Variants in FAT1 observed in about 807,000 individuals in gnomAD.
The protein encoded by FAT1 is protocadherin Fat 1.
A neutral mutation model predicts 329.8 loss-of-function variants in FAT1; 171 were observed. That is an observed-to-expected ratio of 0.52 (90% CI 0.46 to 0.59). FAT1 has a LOEUF of 0.59. Ranked by LOEUF, FAT1 falls within the 20% of genes least tolerant of loss-of-function variation. The pLI, the probability that FAT1 is intolerant of heterozygous loss-of-function variation, is 0.00. For synonymous variants in FAT1, 2,233 were observed against 2,228.6 expected (o/e 1.00, Z -0.06); for missense variants, 5,672 against 5,774.4 (o/e 0.98, Z 0.57).
At chr4:186,613,368 C>T (rs2126476680) in intron 12 of FAT1, 26 bp from the exon 13 acceptor site, 1 of 1,557,520 alleles carries the variant, frequency 6.4e-7, no homozygotes, top group Non-Finnish European at 8.9e-7. Flanking sequence ...AATGGACTCA[C>T]TTGTAATTTA....
At chr4:186,604,020 G>A in intron 18 of FAT1, 43 bp from the exon 19 acceptor site, 3 of 1,422,032 alleles carry the variant, frequency 2.1e-6, no homozygotes, top group African/African-American at 1.4e-5. Flanking sequence ...CTATGGCACT[G>A]TTTATAACTT....
Position 186,616,289 on chromosome 4 carries a change from C to A in FAT1, c.9075+716G>T, listed in dbSNP as rs1739706341. On this transcript the variant is annotated intron_variant, in intron 11 of 26. Transcript: ENST00000441802. ...AAATCCCTTGGAACGACCGCCACTG[C>A]CCACTGTAATCCAGTTCACCCTTTT... Among the ~76,000 whole-genome samples the A allele has an allele frequency of 2.0e-5, 3 of 152,188 alleles. No homozygotes were observed. In the South Asian group the frequency reaches 6.2e-4, roughly 32 times the overall value.
intron 1 of FAT1, among the ~76,000 whole-genome samples, chr4:186,716,239 G>C (rs1745198238): frequency 6.6e-6 from 1 of 152,092 alleles, no homozygotes; most frequent in South Asian, 2.1e-4. Context: ...CATTTCACAT[G>C]TTATGATAAA....
chr4:186,616,321 C>T (rs1739708217), intron 11 of FAT1, among the ~76,000 whole-genome samples: 2 of 152,268 alleles, frequency 1.3e-5, no homozygotes, highest in South Asian at 4.1e-4. Flanking sequence ...TTTTCCAAGA[C>T]TCTCAGTGCA....
At position 186,620,930 on chromosome 4, in the gene FAT1, C is replaced by T. The variant is rs1740011927; in HGVS notation, c.5656G>A (p.Ala1886Thr). The T allele has an allele frequency of 6.2e-7, 1 of 1,613,988 alleles. No individual in the cohort carries two copies. Reference sequence around the variant, plus strand: ...TTGTATGTTGGTAACAAAAGAGATGCTTCATATAATGGCTTGGCAAACACA... The same window carrying T: ...TTGTATGTTGGTAACAAAAGAGATGTTTCATATAATGGCTTGGCAAACACA... ...PPVFAKPLYE[A>T]SLLLPTYKGV... is the part of the protein sequence containing the mutation. The change falls in exon 10 of 27, where the codon GCA (alanine) becomes ACA (threonine). Residue 1886 changes from alanine (A) to threonine (T), a missense_variant. By Grantham distance (58) the Ala-to-Thr change is moderately conservative. This residue lies in a region of FAT1 where 3,966 missense variants were observed against 3,915.2 expected (regional missense o/e 1.01). Coordinates refer to ENST00000441802, the MANE Select transcript of FAT1 (RefSeq NM_005245.4).
intron 26 of FAT1, among the ~76,000 whole-genome samples, chr4:186,594,489 A>G (rs1348712074): frequency 6.6e-6 from 1 of 151,628 alleles, no homozygotes; most frequent in East Asian, 1.9e-4. Flanking sequence ...CATAAACTGG[A>G]AACAGGAACT....
At chr4:186,702,403 C>A (rs961223918) in intron 2 of FAT1, among the ~76,000 whole-genome samples, 1 of 152,132 alleles carries the variant, frequency 6.6e-6, no homozygotes, top group Non-Finnish European at 1.5e-5. Flanking sequence ...TAAGTAGAGT[C>A]AGAAGGGGAA....
Position 186,589,185 on chromosome 4 carries a change from C to A in FAT1, c.13174G>T (p.Val4392Phe), listed in dbSNP as rs192910004. 6.2e-7 allele frequency: 1 copy of A among 1,613,270 alleles called. No homozygotes were observed. Among genetic ancestry groups the A allele is most frequent in the Non-Finnish European group, 8.5e-7 (1 of 1,179,632 alleles). ...HWDTSDWMPSVPLPDIQEFPN... is the reference protein window; with the variant it reads ...HWDTSDWMPSFPLPDIQEFPN... ...AACTCTTGTATGTCCGGCAGAGGAA[C>A]GCTTGGCATCCAATCTGATGTATCC... The change falls in exon 27 of 27, where the codon GTT becomes TTT. Residue 4392 changes from valine (V) to phenylalanine (F), a missense_variant. By Grantham distance (50) the Val-to-Phe change is conservative. Coordinates refer to ENST00000441802, the MANE Select transcript of FAT1 (RefSeq NM_005245.4).
Position 186,600,244 on chromosome 4 carries a change from A to G in FAT1, c.11757T>C (p.Asn3919=), listed in dbSNP as rs762207251. The part of the protein sequence containing the change: ...GQWHAVALEV[N]GNYARLVLDQ... ...CTAGAACCAAGCGAGCATAGTTTCC[A>G]TTCACTTCCAGGGCCACTGCGTGCC... Residue 3919 remains asparagine (N), a synonymous_variant, in exon 22 of 27, where the codon AAT becomes AAC. Coordinates refer to ENST00000441802, the MANE Select transcript of FAT1 (RefSeq NM_005245.4). 2.4e-5 allele frequency: 39 copies of G among 1,613,898 alleles called. No homozygotes were observed. The highest frequency in any genetic ancestry group is 3.1e-5 in the Non-Finnish European group (36 of 1,179,898).
intron 2 of FAT1, among the ~76,000 whole-genome samples, chr4:186,686,468 A>G (rs1743475530): frequency 6.6e-6 from 1 of 152,166 alleles, no homozygotes; most frequent in South Asian, 2.1e-4. Context: ...AATTAAATCA[A>G]TATAGTAATC....
At chr4:186,691,563 G>A (rs960242536) in intron 2 of FAT1, among the ~76,000 whole-genome samples, 3 of 152,176 alleles carry the variant, frequency 2.0e-5, no homozygotes, top group Non-Finnish European at 2.9e-5. Flanking sequence ...CGCTTTGGGA[G>A]GCCAAGGTAG....
chr4:186,646,357 C>G (rs2126586240), intron 3 of FAT1, among the ~76,000 whole-genome samples: 1 of 152,272 alleles, frequency 6.6e-6, no homozygotes, highest in African/African-American at 2.4e-5. Context: ...TTTTATTTTA[C>G]AATAATTCAT....
rs1738031630 is a variant in FAT1 at position 186,587,890 on chromosome 4, A to G, written c.*702T>C. 4.6e-6 allele frequency: 1 copy of G among 216,386 alleles called. No individual in the cohort carries two copies. Among genetic ancestry groups the G allele is most frequent in the Non-Finnish European group, 9.3e-6 (1 of 107,384 alleles). 13.4% of individuals were successfully genotyped at this position (216,386 alleles called of 1,614,324 possible). A position where few individuals can be genotyped will look rare whatever the true frequency, so the allele number is the denominator to read the frequency against. ...ACCATTGCATCACAAATATACAGAC[A>G]CTATAAAAACTGTGTCATGGTGGTT... On this transcript the variant is annotated 3_prime_UTR_variant, in exon 27 of 27. Transcript: ENST00000441802.
At chr4:186,610,416 T>G (rs564701259) in intron 14 of FAT1, among the ~76,000 whole-genome samples, 39 of 151,888 alleles carry the variant, frequency 2.6e-4, no homozygotes, top group Admixed American at 6.6e-4. Context: ...CTTTTTAAAA[T>G]ATTTTCCTTC....
chr4:186,594,266 A>AC (rs1183370922), intron 26 of FAT1, among the ~76,000 whole-genome samples: 23 of 151,526 alleles, frequency 1.5e-4, no homozygotes, highest in African/African-American at 1.5e-4. Context: ...ACGGGGTTTC[A>AC]CTGCCAGGAC....
At chr4:186,669,688 G>C (rs1202348664) in intron 2 of FAT1, among the ~76,000 whole-genome samples, 1 of 152,152 alleles carries the variant, frequency 6.6e-6, no homozygotes, top group Non-Finnish European at 1.5e-5. Context: ...CGAGACTGAA[G>C]GGGGAAAAAT....
chr4:186,654,986 A>G (rs550864697), intron 3 of FAT1, among the ~76,000 whole-genome samples: 41 of 152,178 alleles, frequency 2.7e-4, no homozygotes, highest in Non-Finnish European at 4.9e-4. Flanking sequence ...TTAAGCTGAA[A>G]CAAACTCAAA....
Position 186,613,132 on chromosome 4 carries a change from A to C in FAT1, c.9440T>G (p.Val3147Gly), listed in dbSNP as rs188733415. ...NTEPGTLLTR[V>G]QATDADAGLN... ...ACCTGCGTCGGCATCTGTGGCCTGCACTCTTGTCAGCAGCGTTCCCGGCTC... is the reference window on the plus strand; with the variant it reads ...ACCTGCGTCGGCATCTGTGGCCTGCCCTCTTGTCAGCAGCGTTCCCGGCTC... The change falls in exon 13 of 27, where the codon GTG becomes GGG. Residue 3147 changes from valine to glycine, a missense_variant. Coordinates refer to ENST00000441802, the MANE Select transcript of FAT1 (RefSeq NM_005245.4). 3.5e-3 allele frequency: 5,572 copies of C among 1,612,064 alleles called. 13 individuals are homozygous for C. The highest frequency in any genetic ancestry group is 4.4e-3 in the Non-Finnish European group (5,181 of 1,179,666).
At position 186,620,157 on chromosome 4, in the gene FAT1, A is replaced by T. The variant is rs753924279; in HGVS notation, c.6429T>A (p.Leu2143=). The part of the protein sequence containing the change: ...GEISLKKQFE[L]DTLNKEYLVT... ...CAAGATATTCTTTATTTAAGGTGTCAAGCTCAAATTGCTTTTTCAGTGAAA... is the reference window on the plus strand; with the variant it reads ...CAAGATATTCTTTATTTAAGGTGTCTAGCTCAAATTGCTTTTTCAGTGAAA... Residue 2143 remains leucine (L), a synonymous_variant, in exon 10 of 27, where the codon CTT becomes CTA. Transcript: ENST00000441802. The T allele has an allele frequency of 3.7e-6, 6 of 1,613,906 alleles. No homozygotes were observed. In the African/African-American group the frequency reaches 8.0e-5, roughly 22 times the overall value.
Sources: allele counts gnomAD v4.1 joint callset (sites outside exome capture counted in the v4.1 genomes callset), GRCh38; gene constraint gnomAD v4.1.1; regional missense constraint gnomAD v4.1.1; transcripts MANE v1.5; gene names NCBI Gene and HGNC (gene_info 2026-07-23, HGNC 2026-07-21).